Variants in OR9G4 observed in about 807,000 individuals in gnomAD.
OR9G4 encodes olfactory receptor family 9 subfamily G member 4, also known as olfactory receptor 9G4.
A neutral mutation model predicts 16.7 loss-of-function variants in OR9G4; 19 were observed. The ratio of observed to expected loss-of-function variants is 1.14; its 90% CI spans 0.79 to 1.67. OR9G4 has a LOEUF of 1.67. Ranked by LOEUF, OR9G4 falls within the 40% of genes most tolerant of loss-of-function variation. OR9G4 has a pLI of 0.00. For missense variants in OR9G4, 428 were observed against 370.4 expected (o/e 1.16, Z -1.28); for synonymous variants, 182 against 146.2 (o/e 1.24, Z -1.76).
In OR9G4 at chr11:56,743,657, A is replaced by G; in HGVS notation, c.110T>C (p.Ile37Thr). The change falls in exon 2 of 2, where the codon ATA becomes ACA. Residue 37 changes from isoleucine to threonine, a missense_variant. Ile to Thr is a moderately conservative substitution (Grantham distance 89, BLOSUM62 -1). Coordinates refer to ENST00000641668, the MANE Select transcript of OR9G4 (RefSeq NM_001005284.2). Reference protein sequence around the residue: ...LFGVFLMLYLITLSGNMTLVI... With the variant: ...LFGVFLMLYLTTLSGNMTLVI... ...CAAGGTCATGTTTCCTGACAAGGTTATCAAATAGAGCATCAGAAACACTCC... is the reference window on the plus strand; with the variant it reads ...CAAGGTCATGTTTCCTGACAAGGTTGTCAAATAGAGCATCAGAAACACTCC... 6.2e-7 allele frequency: 1 copy of G among 1,614,172 alleles called. No individual in the cohort carries two copies. Among genetic ancestry groups the G allele is most frequent in the South Asian group, 1.1e-5 (1 of 91,092 alleles).
At position 56,742,680 on chromosome 11, in the gene OR9G4, A is replaced by C. The variant is rs766440150; in HGVS notation, c.*148T>G. ...ACTTTGTTTTGTTTACATCATAACA[A>C]ACGAATAACAAGGAGTCATGTGGTC... is the stretch of plus-strand genomic sequence containing the variant. On this transcript the variant is annotated 3_prime_UTR_variant, in exon 2 of 2. Coordinates refer to ENST00000641668, the MANE Select transcript of OR9G4 (RefSeq NM_001005284.2). 10 of 686,194 alleles carry C rather than the reference A, an allele frequency of 1.5e-5. No homozygotes were observed. The highest frequency in any genetic ancestry group is 2.5e-5 in the Non-Finnish European group (10 of 407,710). The allele number at this position is 686,194 out of a possible 1,614,324, so 42.5% of individuals were successfully genotyped here. A position where few individuals can be genotyped will look rare whatever the true frequency, so the allele number is the denominator to read the frequency against.
intron 1 of OR9G4, among the ~76,000 whole-genome samples, chr11:56,747,306 T>C (rs996067919): frequency 2.0e-5 from 3 of 152,084 alleles, no homozygotes; most frequent in African/African-American, 7.2e-5. Flanking sequence ...CTTCATCTTC[T>C]TTAAGTTCCT....
rs1163262251 is a variant in OR9G4, at chr11:56,742,251, A to G, written c.*577T>C. On this transcript the variant is annotated 3_prime_UTR_variant, in exon 2 of 2. Transcript: ENST00000641668. ...CATATTTATTCATTAATTTTGAGAT[A>G]GTTTTTTGTTGTCATTGTTGTTTGT... The G allele has an allele frequency of 6.5e-6, 1 of 152,842 alleles. No homozygotes were observed. The highest frequency in any genetic ancestry group is 6.5e-5 in the Admixed American group (1 of 15,328). The allele number at this position is 152,842 out of a possible 1,614,324, so 9.5% of individuals were successfully genotyped here. A position where few individuals can be genotyped will look rare whatever the true frequency, so the allele number is the denominator to read the frequency against.
At chr11:56,748,436 G>A (rs1466997803) in intron 1 of OR9G4, among the ~76,000 whole-genome samples, 1 of 152,226 alleles carries the variant, frequency 6.6e-6, no homozygotes, top group Non-Finnish European at 1.5e-5. Context: ...TGATGGCCCA[G>A]CATAGATACA....
At chr11:56,747,404 C>T (rs930927794) in intron 1 of OR9G4, among the ~76,000 whole-genome samples, 7 of 152,028 alleles carry the variant, frequency 4.6e-5, no homozygotes, top group African/African-American at 1.7e-4. Flanking sequence ...TTCCGACAAT[C>T]TTCACCCTTA....
chr11:56,745,062 A>T (rs933061350), intron 1 of OR9G4, among the ~76,000 whole-genome samples: 48 of 152,222 alleles, frequency 3.2e-4, no homozygotes, highest in Non-Finnish European at 1.3e-4. Flanking sequence ...GAAAACATCC[A>T]TGTTAAGAAA....
At chr11:56,746,382 ATAAT>A (rs1218202394) in intron 1 of OR9G4, among the ~76,000 whole-genome samples, 2 of 151,956 alleles carry the variant, frequency 1.3e-5, no homozygotes, top group African/African-American at 4.8e-5. Flanking sequence ...TTATCTGCAA[ATAAT>A]TAATGGCTCA....
In OR9G4 at chr11:56,742,956, C is replaced by T. The variant is rs1377398002; in HGVS notation, c.811G>A (p.Asp271Asn). 1.2e-6 allele frequency: 2 copies of T among 1,614,074 alleles called. No homozygotes were observed. The highest frequency in any genetic ancestry group is 2.2e-5 in the East Asian group (1 of 44,860). Residue 271 changes from aspartate (D) to asparagine (N), a missense_variant, in exon 2 of 2, where the codon GAC becomes AAC. Coordinates refer to ENST00000641668, the MANE Select transcript of OR9G4 (RefSeq NM_001005284.2). ...RPSSTYSLER[D>N]KVAALFYTVI... ...GTGTAGAACAGAGCAGCTACTTTGT[C>T]CCTCTCTAGGGAGTAGGTGGAACTA...
chr11:56,748,567 C>T (rs1033983890), intron 1 of OR9G4, 89 bp downstream of exon 1: 3 of 152,214 alleles, frequency 2.0e-5, no homozygotes, highest in Admixed American at 6.5e-5. Flanking sequence ...GTTTGACAGC[C>T]GTGCCAGATT....
Position 56,743,199 on chromosome 11 carries a change from T to C in OR9G4, c.568A>G (p.Thr190Ala), listed in dbSNP as rs1449295762. 6.2e-7 allele frequency: 1 copy of C among 1,614,138 alleles called. No individual in the cohort carries two copies. Among genetic ancestry groups the C allele is most frequent in the South Asian group, 1.1e-5 (1 of 91,076 alleles). ...ACTTTTTCGTAGACCCTGGTGTTTG[T>C]ACAGGACATTTTTACCAATGGTGGT... ...DAPPLVKMSC[T>A]NTRVYEKVLL... Residue 190 changes from threonine (T) to alanine (A), a missense_variant, in exon 2 of 2, where the codon ACA becomes GCA. Physicochemically the swap from Thr to Ala is moderately conservative, Grantham distance 58. Coordinates refer to ENST00000641668, the MANE Select transcript of OR9G4 (RefSeq NM_001005284.2).
In OR9G4 at chr11:56,743,034, G is replaced by A. The variant is rs1357975534; in HGVS notation, c.733C>T (p.Leu245Phe). ...CCATAGAAGAGCATGACTGAGATGA[G>A]GTGGGAAGCACAGGTGGAGAATGCC... ...HKAFSTCASH[L>F]ISVMLFYGSL... Residue 245 changes from leucine (L) to phenylalanine (F), a missense_variant, in exon 2 of 2, where the codon CTC becomes TTC. Physicochemically the swap from Leu to Phe is conservative, Grantham distance 22. Coordinates refer to ENST00000641668, the MANE Select transcript of OR9G4 (RefSeq NM_001005284.2). The A allele has an allele frequency of 6.2e-7, 1 of 1,613,900 alleles. No homozygotes were observed. Among genetic ancestry groups the A allele is most frequent in the Non-Finnish European group, 8.5e-7 (1 of 1,179,902 alleles).
chr11:56,743,277 A>C lies in OR9G4; in HGVS notation c.490T>G (p.Phe164Val), dbSNP rs1218664123. The C allele has an allele frequency of 6.2e-7, 1 of 1,614,162 alleles. No homozygotes were observed. The highest frequency in any genetic ancestry group is 2.2e-5 in the East Asian group (1 of 44,862). ...LNAIAHTANT[F>V]RLHFCGKNII... ...TTTTTACCACAAAAATGCAGGCGGAATGTATTGGCAGTATGGGCTATGGCA... is the reference window on the plus strand; with the variant it reads ...TTTTTACCACAAAAATGCAGGCGGACTGTATTGGCAGTATGGGCTATGGCA... Residue 164 changes from phenylalanine (F) to valine (V), a missense_variant, in exon 2 of 2, where the codon TTC (phenylalanine) becomes GTC (valine). Phe to Val is a conservative substitution (Grantham distance 50). Transcript: ENST00000641668.
In OR9G4 at chr11:56,743,502, C is replaced by A. The variant is rs750339030; in HGVS notation, c.265G>T (p.Asp89Tyr). The A allele has an allele frequency of 8.7e-6, 14 of 1,614,156 alleles. No homozygotes were observed. Among genetic ancestry groups the A allele is most frequent in the Non-Finnish European group, 1.2e-5 (14 of 1,180,026 alleles). The change falls in exon 2 of 2, where the codon GAT becomes TAT. Residue 89 changes from aspartate to tyrosine, a missense_variant. Asp to Tyr is a radical substitution (Grantham distance 160). Transcript: ENST00000641668. ...PKILASCVSEDKRISLAGCGA... is the reference protein window; with the variant it reads ...PKILASCVSEYKRISLAGCGA... ...CATCCAGCCAAGGAAATGCGCTTAT[C>A]TTCTGAGACACAACTGGCCAGGATT... is the stretch of plus-strand genomic sequence containing the variant.
chr11:56,742,572 A>G lies in OR9G4; in HGVS notation c.*256T>C, dbSNP rs1858318570. 2 of 423,552 alleles carry G rather than the reference A, an allele frequency of 4.7e-6. No homozygotes were observed. Among genetic ancestry groups the G allele is most frequent in the Non-Finnish European group, 8.4e-6 (2 of 238,458 alleles). The allele number at this position is 423,552 out of a possible 1,614,324, so 26.2% of individuals were successfully genotyped here. A position where few individuals can be genotyped will look rare whatever the true frequency, so the allele number is the denominator to read the frequency against. On this transcript the variant is annotated 3_prime_UTR_variant, in exon 2 of 2. Coordinates refer to ENST00000641668, the MANE Select transcript of OR9G4 (RefSeq NM_001005284.2). Reference sequence around the variant, plus strand: ...TCCCAAAGGGAGCAAACACAATGAAATCTATGAAAGATTTAATGCTGCCAA... The same window carrying G: ...TCCCAAAGGGAGCAAACACAATGAAGTCTATGAAAGATTTAATGCTGCCAA...
chr11:56,746,401 T>C (rs1459099288), intron 1 of OR9G4, among the ~76,000 whole-genome samples: 1 of 152,188 alleles, frequency 6.6e-6, no homozygotes, highest in East Asian at 1.9e-4. Context: ...GGCTCAAATT[T>C]TTTGACTCAT....
Position 56,742,908 on chromosome 11 carries a change from G to A in OR9G4, c.859C>T (p.Pro287Ser), listed in dbSNP as rs772284793. ...FYTVINPLLNPLIYSLRNKDI... is the reference protein window; with the variant it reads ...FYTVINPLLNSLIYSLRNKDI... ...TTGTTTCTCAGGCTATAGATGAGAG[G>A]GTTGAGCAGTGGGTTGATCACGGTG... Residue 287 changes from proline (P) to serine (S), a missense_variant, in exon 2 of 2, where the codon CCT becomes TCT. Coordinates refer to ENST00000641668, the MANE Select transcript of OR9G4 (RefSeq NM_001005284.2). 1.1e-5 allele frequency: 18 copies of A among 1,613,888 alleles called. No homozygotes were observed. The highest frequency in any genetic ancestry group is 1.5e-5 in the Non-Finnish European group (18 of 1,179,882).
At position 56,741,688 on chromosome 11, in the gene OR9G4, A is replaced by T. The variant is rs1858302161; in HGVS notation, c.*1140T>A. 1 of 152,250 alleles carries T rather than the reference A, an allele frequency of 6.6e-6. No homozygotes were observed. Among genetic ancestry groups the T allele is most frequent in the Non-Finnish European group, 1.5e-5 (1 of 68,056 alleles). 9.4% of individuals were successfully genotyped at this position (152,250 alleles called of 1,614,324 possible). On this transcript the variant is annotated 3_prime_UTR_variant, in exon 2 of 2. Transcript: ENST00000641668. The stretch of plus-strand genomic sequence containing the variant: ...ATTTGTCCTAAATTTTCAAAATTTA[A>T]TTAATTTTTTAAATGTGCTAATTCC...
rs368552477 is a variant in OR9G4, at chr11:56,742,863, T to C, written c.904A>G (p.Arg302Gly). Reference protein sequence around the residue: ...LRNKDIKEAFRKATQTIQPQT With the variant: ...LRNKDIKEAFGKATQTIQPQT ...GGTTGTATAGTCTGTGTTGCTTTCC[T>C]GAAGGCCTCTTTGATATCTTTGTTT... The change falls in exon 2 of 2, where the codon AGG (arginine) becomes GGG (glycine). Residue 302 changes from arginine to glycine, a missense_variant. Coordinates refer to ENST00000641668, the MANE Select transcript of OR9G4 (RefSeq NM_001005284.2). 1.6e-5 allele frequency: 26 copies of C among 1,614,022 alleles called. No homozygotes were observed. The highest frequency in any genetic ancestry group is 2.1e-5 in the Non-Finnish European group (25 of 1,179,900).
chr11:56,741,289 TA>T lies in OR9G4; in HGVS notation c.*1538del. On this transcript the variant is annotated 3_prime_UTR_variant, in exon 2 of 2. Transcript: ENST00000641668. ...GACTATAATATATACTACAGTATTG[TA>T]GATTCAATTGAATACTGATACAGTT... 4.9e-6 allele frequency: 1 copy of T among 203,476 alleles called. No homozygotes were observed. Among genetic ancestry groups the T allele is most frequent in the Non-Finnish European group, 1.0e-5 (1 of 99,046 alleles). The allele number at this position is 203,476 out of a possible 1,614,324, so 12.6% of individuals were successfully genotyped here.
Sources: allele counts gnomAD v4.1 joint callset (sites outside exome capture counted in the v4.1 genomes callset), GRCh38; gene constraint gnomAD v4.1.1; transcripts MANE v1.5; gene names NCBI Gene and HGNC (gene_info 2026-07-23, HGNC 2026-07-21).